The following PLXNC1 variants were observed in gnomAD, a reference collection of about 807,000 sequenced individuals.
PLXNC1 encodes the protein plexin C1, also known as plexin-C1.
PLXNC1 carries 75 observed loss-of-function variants against 178.2 expected under a neutral mutation model. The ratio of observed to expected loss-of-function variants is 0.42; its 90% CI spans 0.35 to 0.51. The LOEUF (loss-of-function observed/expected upper bound fraction) is 0.51, where lower values mean the gene tolerates loss of function less well. Ranked by LOEUF, PLXNC1 falls within the 20% of genes least tolerant of loss-of-function variation. The pLI is 0.02. For synonymous variants in PLXNC1, 790 were observed against 779.9 expected (o/e 1.01, Z -0.22); for missense variants, 1,503 against 1,984.4 (o/e 0.76, Z 4.61).
rs556842709 is a variant in PLXNC1 at position 94,221,680 on chromosome 12, C to T, written c.1702+1517C>T. Among the ~76,000 whole-genome samples the T allele has an allele frequency of 3.3e-5, 5 of 152,282 alleles. No homozygotes were observed. In the South Asian group the frequency reaches 1.0e-3, roughly 32 times the overall value. Reference sequence around the variant, plus strand: ...AACAATAGAAATGTATTGCTTACAGCCCTGGTGACTGGGGAGTCCAAGGTC... The same window carrying T: ...AACAATAGAAATGTATTGCTTACAGTCCTGGTGACTGGGGAGTCCAAGGTC... On this transcript the variant is annotated intron_variant, in intron 6 of 30. Transcript: ENST00000258526.
intron 14 of PLXNC1, among the ~76,000 whole-genome samples, chr12:94,250,855 C>T (rs537186112): frequency 6.6e-6 from 1 of 151,870 alleles, no homozygotes; most frequent in Non-Finnish European, 1.5e-5. Context: ...CCCGTCTCTA[C>T]AAAAAATTTA....
intron 21 of PLXNC1, among the ~76,000 whole-genome samples, chr12:94,274,967 A>T (rs1173133379): frequency 6.6e-6 from 1 of 152,208 alleles, no homozygotes. Flanking sequence ...TGCTATTATT[A>T]TGTGTCATTA....
chr12:94,238,865 A>G (rs1049892387), intron 10 of PLXNC1, among the ~76,000 whole-genome samples: 1 of 152,104 alleles, frequency 6.6e-6, no homozygotes, highest in Non-Finnish European at 1.5e-5. Context: ...GTGTTCTGCT[A>G]TTTGCCAGAA....
At chr12:94,245,186 G>A (rs187410986) in intron 12 of PLXNC1, among the ~76,000 whole-genome samples, 1 of 152,304 alleles carries the variant, frequency 6.6e-6, no homozygotes, top group East Asian at 1.9e-4. Flanking sequence ...CAGTTGAATG[G>A]CTCGTATAGT....
intron 2 of PLXNC1, chr12:94,176,379 A>G (rs532321608): frequency 6.6e-6 from 1 of 152,228 alleles, no homozygotes; most frequent in South Asian, 2.1e-4. Context: ...ATGAACACTG[A>G]CCTGTCCTTT....
At chr12:94,215,779 T>C (rs1285935111) in intron 5 of PLXNC1, among the ~76,000 whole-genome samples, 1 of 152,132 alleles carries the variant, frequency 6.6e-6, no homozygotes, top group Admixed American at 6.5e-5. Context: ...AATTTCATAT[T>C]TTACATTAAA....
chr12:94,198,208 A>G (rs1171522855), intron 4 of PLXNC1, among the ~76,000 whole-genome samples: 2 of 152,240 alleles, frequency 1.3e-5, no homozygotes, highest in African/African-American at 4.8e-5. Context: ...CAGCCATGAA[A>G]AGGAATGAGA....
At chr12:94,151,027 A>G (rs1960943550) in intron 1 of PLXNC1, among the ~76,000 whole-genome samples, 1 of 152,096 alleles carries the variant, frequency 6.6e-6, no homozygotes, top group African/African-American at 2.4e-5. Flanking sequence ...TTTCCCTTCC[A>G]AGGCGGCTGG....
At chr12:94,168,835 G>A (rs771431073) in intron 1 of PLXNC1, among the ~76,000 whole-genome samples, 5 of 152,218 alleles carry the variant, frequency 3.3e-5, no homozygotes, top group South Asian at 4.1e-4. Context: ...CCAATTCAGC[G>A]GTGGGCTGTC....
chr12:94,263,875 A>G (rs754407403), intron 20 of PLXNC1, among the ~76,000 whole-genome samples: 5 of 152,128 alleles, frequency 3.3e-5, no homozygotes, highest in Non-Finnish European at 7.4e-5. Flanking sequence ...ATATTCCTGC[A>G]GCAAGTATAA....
At chr12:94,199,478 C>T (rs954981842) in intron 4 of PLXNC1, among the ~76,000 whole-genome samples, 1 of 150,770 alleles carries the variant, frequency 6.6e-6, no homozygotes, top group Admixed American at 6.6e-5. Context: ...GGAATATGTC[C>T]TTTGGGCCTC....
chr12:94,164,888 C>A (rs1176861962), intron 1 of PLXNC1, among the ~76,000 whole-genome samples: 1 of 152,074 alleles, frequency 6.6e-6, no homozygotes, highest in East Asian at 1.9e-4. Context: ...TGCTTAGACA[C>A]GGCAGGAAGG....
At chr12:94,253,711 T>TAA (rs1964764696) in intron 15 of PLXNC1, among the ~76,000 whole-genome samples, 2 of 152,248 alleles carry the variant, frequency 1.3e-5, no homozygotes, top group Admixed American at 6.5e-5. Flanking sequence ...GTCTCACTTT[T>TAA]TTGCCCAGGC....
At chr12:94,165,547 C>T (rs2135935417) in intron 1 of PLXNC1, among the ~76,000 whole-genome samples, 1 of 152,340 alleles carries the variant, frequency 6.6e-6, no homozygotes, top group African/African-American at 2.4e-5. Flanking sequence ...CATTTGTCCA[C>T]GTCCTGGTCC....
intron 2 of PLXNC1, among the ~76,000 whole-genome samples, chr12:94,171,325 T>C (rs978340704): frequency 2.0e-5 from 3 of 152,224 alleles, no homozygotes; most frequent in African/African-American, 7.2e-5. Context: ...TCGTTGTTTT[T>C]TTCAAGGTTT....
At position 94,306,301 on chromosome 12, in the gene PLXNC1, T is replaced by C. The variant is rs931174224; in HGVS notation, c.*1016T>C. The C allele has an allele frequency of 3.3e-5, 5 of 152,088 alleles. No individual in the cohort carries two copies. The highest frequency in any genetic ancestry group is 1.2e-4 in the African/African-American group (5 of 41,424). 9.4% of individuals were successfully genotyped at this position (152,088 alleles called of 1,614,324 possible). A position where few individuals can be genotyped will look rare whatever the true frequency, so the allele number is the denominator to read the frequency against. The stretch of plus-strand genomic sequence containing the variant: ...GAGTATTATATATAAATATATATAT[T>C]TGAGGCCCAAGGCCTGAAAAATATT... On this transcript the variant is annotated 3_prime_UTR_variant, in exon 31 of 31. Transcript: ENST00000258526.
At chr12:94,263,366 C>CATGG (rs1018566434) in intron 20 of PLXNC1, among the ~76,000 whole-genome samples, 1 of 152,194 alleles carries the variant, frequency 6.6e-6, no homozygotes, top group African/African-American at 2.4e-5. Flanking sequence ...GACCCAGGAG[C>CATGG]ATGGGCAGAG....
rs192154031 is a variant in PLXNC1 at position 94,150,158 on chromosome 12, C to T, written c.1062+125C>T. On this transcript the variant is annotated intron_variant, in intron 1 of 30. Transcript: ENST00000258526. ...TACAGCCGGGTGACATTTACCAGGT[C>T]TCAGGTTCACACCGCGGGCGGCCGT... 1.1e-3 allele frequency: 848 copies of T among 800,590 alleles called. 10 individuals are homozygous for T. The Admixed American group carries it at 0.025, about 23-fold the overall frequency. The allele number at this position is 800,590 out of a possible 1,614,324, so 49.6% of individuals were successfully genotyped here. A position where few individuals can be genotyped will look rare whatever the true frequency, so the allele number is the denominator to read the frequency against.
At chr12:94,192,680 A>G (rs1325952014) in intron 4 of PLXNC1, among the ~76,000 whole-genome samples, 1 of 152,088 alleles carries the variant, frequency 6.6e-6, no homozygotes, top group African/African-American at 2.4e-5. Context: ...ACCAAGCTAA[A>G]CTAGACAACA....
Sources: gnomAD v4.1 joint callset for allele counts (sites outside exome capture counted in the v4.1 genomes callset) on GRCh38, gnomAD v4.1.1 for gene constraint, MANE v1.5 for transcripts, NCBI Gene and HGNC (gene_info 2026-07-23, HGNC 2026-07-21) for gene names.